The following PLEKHH1 variants were observed in gnomAD, a reference collection of about 807,000 sequenced individuals.
PLEKHH1 encodes the protein pleckstrin homology, MyTH4 and FERM domain containing H1.
A neutral mutation model predicts 160.0 loss-of-function variants in PLEKHH1; 104 were observed. That is an observed-to-expected ratio of 0.65 (90% CI 0.55 to 0.76). PLEKHH1 has a LOEUF of 0.76. PLEKHH1 is among the 30% of genes least tolerant of loss of function. PLEKHH1 has a pLI of 0.00. For synonymous variants in PLEKHH1, 619 were observed against 678.4 expected (o/e 0.91, Z 1.36); for missense variants, 1,427 against 1,724.1 (o/e 0.83, Z 3.05).
At chr14:67,560,200 G>C (rs957566916) in intron 5 of PLEKHH1, among the ~76,000 whole-genome samples, 2 of 152,012 alleles carry the variant, frequency 1.3e-5, no homozygotes, top group African/African-American at 4.8e-5. Context: ...GCTAATTTTT[G>C]TATTTTTAGT....
chr14:67,552,559 A>C (rs932938931), intron 2 of PLEKHH1, among the ~76,000 whole-genome samples: 2 of 152,152 alleles, frequency 1.3e-5, no homozygotes, highest in Non-Finnish European at 2.9e-5. Context: ...CGAGGTCAGG[A>C]GATCGAGACC....
chr14:67,560,809 C>A (rs1286858032), intron 5 of PLEKHH1, among the ~76,000 whole-genome samples: 1 of 148,664 alleles, frequency 6.7e-6, no homozygotes, highest in South Asian at 2.1e-4. Context: ...CGGCTCTCTG[C>A]AACCTCTGCC....
intron 2 of PLEKHH1, among the ~76,000 whole-genome samples, chr14:67,543,521 A>G (rs2034054851): frequency 6.6e-6 from 1 of 152,224 alleles, no homozygotes. Flanking sequence ...AGTGCTTGTT[A>G]AGCATGCATA....
chr14:67,576,394 GGATAC>G lies in PLEKHH1; in HGVS notation c.2354_2358del (p.Asp785ValfsTer21), dbSNP rs773610811. On this transcript the variant is annotated frameshift_variant and splice_region_variant, in exon 17 of 29. Coordinates refer to ENST00000329153, the MANE Select transcript of PLEKHH1 (RefSeq NM_020715.3). LOFTEE classifies it high-confidence loss of function. The surrounding 1 kb of genome is among the most constrained non-coding windows in gnomAD (Gnocchi z 4.0). ...TCCGATGGCTTTCCGCCCTCTTCCA[GGATAC>G]GTGGCTCTACCACCTCACAGTGGCT... 2.5e-6 allele frequency: 4 copies of G among 1,582,774 alleles called. No individual in the cohort carries two copies. The Admixed American group carries it at 6.7e-5, about 27-fold the overall frequency.
chr14:67,537,650 GTGAGACCC>G (rs2033793107), intron 1 of PLEKHH1, among the ~76,000 whole-genome samples: 1 of 152,162 alleles, frequency 6.6e-6, no homozygotes, highest in South Asian at 2.1e-4. Context: ...GGGCAACAGA[GTGAGACCC>G]TGTCTCAAAA....
In PLEKHH1 at chr14:67,578,084, T is replaced by A; in HGVS notation, c.2636T>A (p.Leu879Gln). 6.2e-7 allele frequency: 1 copy of A among 1,613,914 alleles called. No homozygotes were observed. The highest frequency in any genetic ancestry group is 8.5e-7 in the Non-Finnish European group (1 of 1,179,812). Residue 879 changes from leucine to glutamine, a missense_variant, in exon 19 of 29, where the codon CTG (leucine) becomes CAG (glutamine). By Grantham distance (113) the Leu-to-Gln change is moderately radical. Around this residue, in one of 6 missense-constraint regions of PLEKHH1, gnomAD observed 436 missense variants for 607.5 expected, o/e 0.72. Transcript: ENST00000329153. The surrounding 1 kb of genome is among the most constrained non-coding windows in gnomAD (Gnocchi z 5.0). ...GCCTCGGTGGACTACCATGTGTCCC[T>A]GGCCCAGACCGCACTGCAGGTCTGC... ...EAASVDYHVS[L>Q]AQTALQVCLV...
chr14:67,559,395 A>G (rs1314354860), intron 4 of PLEKHH1, among the ~76,000 whole-genome samples: 6 of 152,074 alleles, frequency 3.9e-5, no homozygotes, highest in African/African-American at 7.2e-5. Context: ...TATTCAGCCA[A>G]CCCCTTCGTG....
chr14:67,555,007 G>T (rs1381581304), intron 2 of PLEKHH1, among the ~76,000 whole-genome samples: 5 of 152,104 alleles, frequency 3.3e-5, no homozygotes, highest in Non-Finnish European at 7.4e-5. Context: ...CAACCTCCCA[G>T]GCTCAAGTGA....
intron 15 of PLEKHH1, 48 bp downstream of exon 15, chr14:67,575,520 GCA>G: frequency 3.5e-6 from 4 of 1,149,152 alleles, no homozygotes; most frequent in Non-Finnish European, 5.2e-6. Flanking sequence ...TTCCCCCGAA[GCA>G]CATGACTGCC....
rs887863983 is a variant in PLEKHH1 at position 67,587,395 on chromosome 14, G to A, written c.*160G>A. On this transcript the variant is annotated 3_prime_UTR_variant, in exon 29 of 29. Coordinates refer to ENST00000329153, the MANE Select transcript of PLEKHH1 (RefSeq NM_020715.3). Reference sequence around the variant, plus strand: ...TCTGTGAAGCCTTTACTCTCTAGGTGCCTTATAATGTTTCAGGGCTCAACT... The same window carrying A: ...TCTGTGAAGCCTTTACTCTCTAGGTACCTTATAATGTTTCAGGGCTCAACT... 1.8e-5 allele frequency: 14 copies of A among 770,756 alleles called. No individual in the cohort carries two copies. Among genetic ancestry groups the A allele is most frequent in the African/African-American group, 1.7e-4 (10 of 57,320 alleles). 47.7% of individuals were successfully genotyped at this position (770,756 alleles called of 1,614,324 possible). A position where few individuals can be genotyped will look rare whatever the true frequency, so the allele number is the denominator to read the frequency against.
rs1244327261 is a variant in PLEKHH1, at chr14:67,578,564, CT to C, written c.2786del (p.Phe929SerfsTer98). 3 of 1,611,672 alleles carry C rather than the reference CT, an allele frequency of 1.9e-6. No homozygotes were observed. Among genetic ancestry groups the C allele is most frequent in the Non-Finnish European group, 2.5e-6 (3 of 1,179,132 alleles). ...CWQLLALCAP[L>X]FLPQHHFLWY... ...GCAGCTCCTCGCTCTGTGTGCTCCA[CT>C]TTTCCTGCCTCAGCATCACTTCCTC... On this transcript the variant is annotated frameshift_variant, in exon 20 of 29. Coordinates refer to ENST00000329153, the MANE Select transcript of PLEKHH1 (RefSeq NM_020715.3). LOFTEE classifies it high-confidence loss of function. The surrounding 1 kb of genome is among the most constrained non-coding windows in gnomAD (Gnocchi z 5.0).
At chr14:67,534,465 AGTCCC>A in intron 1 of PLEKHH1, among the ~76,000 whole-genome samples, 1 of 152,156 alleles carries the variant, frequency 6.6e-6, no homozygotes, top group African/African-American at 2.4e-5. Flanking sequence ...GTGGGCCTGT[AGTCCC>A]AGCTAACTTG....
chr14:67,577,032 C>G (rs771249948), intron 17 of PLEKHH1, among the ~76,000 whole-genome samples: 2 of 152,254 alleles, frequency 1.3e-5, no homozygotes, highest in South Asian at 4.2e-4. Flanking sequence ...GAGGCCTCCC[C>G]TGCACACATC....
rs922647849 is a variant in PLEKHH1 at position 67,582,679 on chromosome 14, A to G, written c.3426+469A>G. Among the ~76,000 whole-genome samples the G allele has an allele frequency of 8.5e-5, 13 of 152,064 alleles. No homozygotes were observed. The highest frequency in any genetic ancestry group is 2.4e-4 in the African/African-American group (10 of 41,406). ...AAAAAAATAAAATAAAATAAAATAA[A>G]AATAAAAATTAGCTGGGTGTGGTGG... On this transcript the variant is annotated intron_variant, in intron 24 of 28. Coordinates refer to ENST00000329153, the MANE Select transcript of PLEKHH1 (RefSeq NM_020715.3). This position sits in a 1 kb window ranked among gnomAD's most constrained non-coding sequence, Gnocchi z 5.0.
chr14:67,581,740 A>C, intron 23 of PLEKHH1: 1 of 245,598 alleles, frequency 4.1e-6, no homozygotes, highest in Non-Finnish European at 8.0e-6. Context: ...TCTCCAGGCA[A>C]ATAGTTTCCA....
chr14:67,567,157 G>A lies in PLEKHH1; in HGVS notation c.1264-1981G>A, dbSNP rs77871945. On this transcript the variant is annotated intron_variant, in intron 7 of 28. Coordinates refer to ENST00000329153, the MANE Select transcript of PLEKHH1 (RefSeq NM_020715.3). Reference sequence around the variant, plus strand: ...GATCACTCGTGTTCCGTGTTCCGGGGAGAGCTTAAGAAATCACAGTGGCCA... The same window carrying A: ...GATCACTCGTGTTCCGTGTTCCGGGAAGAGCTTAAGAAATCACAGTGGCCA... Among the ~76,000 whole-genome samples, 938 of 152,146 alleles carry A rather than the reference G, an allele frequency of 6.2e-3. 5 individuals carry two copies. The highest frequency in any genetic ancestry group is 0.021 in the African/African-American group (869 of 41,498).
chr14:67,586,591 C>G, intron 28 of PLEKHH1: 1 of 474,800 alleles, frequency 2.1e-6, no homozygotes, highest in Non-Finnish European at 3.8e-6. Context: ...TTTGTTCCTA[C>G]TCAATACAGG....
At chr14:67,566,566 G>A (rs550698624) in intron 7 of PLEKHH1, among the ~76,000 whole-genome samples, 2 of 118,832 alleles carry the variant, frequency 1.7e-5, no homozygotes, top group East Asian at 3.6e-4. Flanking sequence ...GCAACACGGC[G>A]AAACCCCATG....
chr14:67,583,944 A>C, intron 25 of PLEKHH1, 51 bp from the exon 26 acceptor site: 1 of 1,612,046 alleles, frequency 6.2e-7, no homozygotes, highest in Non-Finnish European at 8.5e-7. Context: ...CCTGGAATGA[A>C]GACACGTCGG....
Sources: allele counts gnomAD v4.1 joint callset (sites outside exome capture counted in the v4.1 genomes callset), GRCh38; gene constraint gnomAD v4.1.1; regional missense constraint gnomAD v4.1.1; non-coding constraint Gnocchi (gnomAD v3.1); transcripts MANE v1.5; gene names NCBI Gene and HGNC (gene_info 2026-07-23, HGNC 2026-07-21).